The following PTPRM variants were observed in gnomAD, a reference collection of about 807,000 sequenced individuals.
PTPRM encodes the protein receptor-type tyrosine-protein phosphatase mu.
In PTPRM, 47 loss-of-function variants were observed where a neutral mutation model predicts 186.7. The observed-to-expected ratio is 0.25, with a 90% CI of 0.20 to 0.32. The LOEUF (loss-of-function observed/expected upper bound fraction) is 0.32. PTPRM is among the 10% of genes least tolerant of loss of function. PTPRM has a pLI of 1.00. For missense variants in PTPRM, 1,494 were observed against 1,865.0 expected, an observed-to-expected ratio of 0.80 and a Z score of 3.66; for synonymous variants, 668 against 674.9, an observed-to-expected ratio of 0.99 and a Z score of 0.16.
rs780484930 is a variant in PTPRM, at chr18:8,384,548, G to GT, written c.3919-9dup. Reference sequence around the variant, plus strand: ...CTTATAACTAACCTTGTGTTTATATGTTTTGAATTCAGTTGTGTCCACAGT... The same window carrying GT: ...CTTATAACTAACCTTGTGTTTATATGTTTTTGAATTCAGTTGTGTCCACAGT... On this transcript the variant is annotated splice_polypyrimidine_tract_variant and intron_variant, in intron 29 of 32. Transcript: ENST00000580170. The GT allele has an allele frequency of 1.9e-6, 3 of 1,613,954 alleles. No individual in the cohort carries two copies. The South Asian group carries it at 3.3e-5, about 18-fold the overall frequency.
At chr18:8,306,234 T>G (rs1003506892) in intron 20 of PTPRM, among the ~76,000 whole-genome samples, 7 of 152,154 alleles carry the variant, frequency 4.6e-5, no homozygotes, top group African/African-American at 1.7e-4. Context: ...TGTACTGTGT[T>G]CCAGGCACCT....
In PTPRM at chr18:8,126,027, A is replaced by ATTTTTTTTTTTTTTT. The variant is rs752110255; in HGVS notation, c.2167+11204_2167+11205insTTTTTTTTTTTTTTT. ...TATATATATATATATATATATATAT[A>ATTTTTTTTTTTTTTT]TTTTAAATCAGTAGACCTTTCCATT... On this transcript the variant is annotated intron_variant, in intron 13 of 32. Coordinates refer to ENST00000580170, the MANE Select transcript of PTPRM (RefSeq NM_001105244.2). 5.3e-4 allele frequency among the ~76,000 whole-genome samples: 37 copies of ATTTTTTTTTTTTTTT among 69,536 alleles called. 2 individuals carry two copies. Among genetic ancestry groups the ATTTTTTTTTTTTTTT allele is most frequent in the Admixed American group, 8.5e-4 (4 of 4,702 alleles). 45.6% of individuals were successfully genotyped at this position (69,536 alleles called of 152,430 possible).
chr18:8,197,210 G>C (rs1268250670), intron 14 of PTPRM, among the ~76,000 whole-genome samples: 1 of 152,196 alleles, frequency 6.6e-6, no homozygotes, highest in Non-Finnish European at 1.5e-5. Flanking sequence ...ATGTAATGAG[G>C]TAAATTATTT....
rs1012830760 is a variant in PTPRM, at chr18:8,387,209, G to A, written c.4182G>A (p.Gly1394=). 1.9e-6 allele frequency: 3 copies of A among 1,613,922 alleles called. No individual in the cohort carries two copies. The African/African-American group carries it at 4.0e-5, about 22-fold the overall frequency. Residue 1394 remains glycine (G), a synonymous_variant, in exon 31 of 33, where the codon GGG becomes GGA. Coordinates refer to ENST00000580170, the MANE Select transcript of PTPRM (RefSeq NM_001105244.2). ...VDKWQEEYNG[G]EGRTVVHCLN... ...AGTGGCAAGAGGAGTACAATGGCGG[G>A]GAAGGCCGCACGGTTGTGCACTGCT...
intron 1 of PTPRM, among the ~76,000 whole-genome samples, chr18:7,733,031 A>G (rs2040693882): frequency 1.3e-5 from 2 of 152,146 alleles, no homozygotes; most frequent in African/African-American, 4.8e-5. Flanking sequence ...AAAATTAGGC[A>G]TGTAGACACA....
chr18:8,091,805 T>C (rs2090748637), intron 11 of PTPRM, among the ~76,000 whole-genome samples: 1 of 152,124 alleles, frequency 6.6e-6, no homozygotes, highest in Non-Finnish European at 1.5e-5. Context: ...GAACTCTGAT[T>C]ATGGAATCGT....
chr18:7,684,128 C>T (rs1429107763), intron 1 of PTPRM, among the ~76,000 whole-genome samples: 2 of 151,786 alleles, frequency 1.3e-5, no homozygotes, highest in Non-Finnish European at 2.9e-5. Context: ...ATTAGAATCT[C>T]CTATTCTGTT....
At chr18:7,919,302 T>G (rs145589037) in intron 4 of PTPRM, among the ~76,000 whole-genome samples, 1,983 of 152,304 alleles carry the variant, frequency 0.013, 19 homozygotes, top group South Asian at 0.033. Context: ...CCATATAAAT[T>G]TTAGCATTAT....
At chr18:7,835,250 G>T in intron 2 of PTPRM, among the ~76,000 whole-genome samples, 2 of 141,502 alleles carry the variant, frequency 1.4e-5, no homozygotes, top group East Asian at 2.1e-4. Flanking sequence ...TAGTGCTTTT[G>T]CTGTATCCCA....
At chr18:8,381,952 A>G (rs555079951) in intron 29 of PTPRM, among the ~76,000 whole-genome samples, 2 of 152,320 alleles carry the variant, frequency 1.3e-5, no homozygotes, top group African/African-American at 4.8e-5. Flanking sequence ...ACTGCATTGG[A>G]ATTCTAAAGC....
At chr18:7,613,993 C>T (rs1464264099) in intron 1 of PTPRM, among the ~76,000 whole-genome samples, 1 of 152,168 alleles carries the variant, frequency 6.6e-6, no homozygotes, top group Non-Finnish European at 1.5e-5. Context: ...ATGACACGTT[C>T]ATGACTTAGT....
At chr18:7,634,108 C>G (rs1398807505) in intron 1 of PTPRM, among the ~76,000 whole-genome samples, 1 of 152,134 alleles carries the variant, frequency 6.6e-6, no homozygotes, top group Non-Finnish European at 1.5e-5. Context: ...TGCCATGGGC[C>G]CTGATGCTCC....
chr18:8,230,274 G>A (rs555006520), intron 14 of PTPRM, among the ~76,000 whole-genome samples: 2 of 152,324 alleles, frequency 1.3e-5, no homozygotes, highest in Admixed American at 6.5e-5. Context: ...ACAGAGAGTG[G>A]CTGGGTAGGT....
At chr18:8,201,006 C>G (rs1291119872) in intron 14 of PTPRM, among the ~76,000 whole-genome samples, 2 of 152,070 alleles carry the variant, frequency 1.3e-5, no homozygotes, top group Non-Finnish European at 2.9e-5. Context: ...AATACTATGA[C>G]ATGGAGATTA....
At chr18:7,825,105 A>G (rs1420943336) in intron 2 of PTPRM, among the ~76,000 whole-genome samples, 1 of 152,182 alleles carries the variant, frequency 6.6e-6, no homozygotes, top group Non-Finnish European at 1.5e-5. Context: ...CTGTCCAGCA[A>G]TTAAAGGAGG....
intron 7 of PTPRM, among the ~76,000 whole-genome samples, chr18:8,029,465 C>T (rs569920091): frequency 6.6e-6 from 1 of 152,296 alleles, no homozygotes; most frequent in South Asian, 2.1e-4. Flanking sequence ...AGTGCCCTCT[C>T]CTCATGCTTG....
chr18:7,674,211 T>C, intron 1 of PTPRM, among the ~76,000 whole-genome samples: 1 of 152,172 alleles, frequency 6.6e-6, no homozygotes, highest in East Asian at 1.9e-4. Flanking sequence ...AGGATTCCTA[T>C]GTCATCGGTG....
chr18:8,313,226 T>C (rs1235288842), intron 20 of PTPRM, among the ~76,000 whole-genome samples: 1 of 152,164 alleles, frequency 6.6e-6, no homozygotes, highest in East Asian at 1.9e-4. Context: ...GAAGCAGGGT[T>C]TCCCACTGCT....
intron 2 of PTPRM, among the ~76,000 whole-genome samples, chr18:7,798,162 A>G (rs1281050847): frequency 6.6e-6 from 1 of 152,204 alleles, no homozygotes. Flanking sequence ...GAGGGTTGGT[A>G]GTTCAAAAAT....
Sources: gnomAD v4.1 joint callset for allele counts (sites outside exome capture counted in the v4.1 genomes callset) on GRCh38, gnomAD v4.1.1 for gene constraint, MANE v1.5 for transcripts, NCBI Gene and HGNC (gene_info 2026-07-23, HGNC 2026-07-21) for gene names.